Variants in LAMA2 observed in about 807,000 individuals in gnomAD.
The protein encoded by LAMA2 is laminin subunit alpha-2.
LAMA2 carries 269 observed loss-of-function variants against 364.8 expected under a neutral mutation model. That is an observed-to-expected ratio of 0.74 (90% confidence interval 0.67 to 0.82). The LOEUF is 0.82. Among genes scored for constraint, LAMA2 ranks in the 40% least tolerant of loss-of-function variants. The probability of loss-of-function intolerance (pLI) is 0.00; values close to 1 mark genes in which losing one functional copy is unlikely to be tolerated. For synonymous variants in LAMA2, 1,379 were observed against 1,370.6 expected (o/e 1.01, Z -0.14); for missense variants, 3,807 against 3,873.2 (o/e 0.98, Z 0.45).
chr6:129,250,012 T>C, intron 12 of LAMA2, 100 bp from the exon 13 acceptor site: 1 of 777,882 alleles, frequency 1.3e-6, no homozygotes, highest in South Asian at 1.4e-5. Flanking sequence ...TTGCAAATAC[T>C]GCCCTATAGA....
At chr6:129,114,327 C>T (rs1379894569) in intron 4 of LAMA2, among the ~76,000 whole-genome samples, 1 of 152,030 alleles carries the variant, frequency 6.6e-6, no homozygotes, top group Non-Finnish European at 1.5e-5. Context: ...AATACTGTCA[C>T]TACAACTCTG....
At chr6:128,952,145 C>T (rs557463091) in intron 1 of LAMA2, among the ~76,000 whole-genome samples, 1 of 152,064 alleles carries the variant, frequency 6.6e-6, no homozygotes, top group Non-Finnish European at 1.5e-5. Flanking sequence ...CCAGCCTGGG[C>T]AATGGAGCAA....
intron 10 of LAMA2, among the ~76,000 whole-genome samples, chr6:129,182,079 C>T (rs969288604): frequency 6.6e-6 from 1 of 151,656 alleles, no homozygotes; most frequent in Non-Finnish European, 1.5e-5. Flanking sequence ...AGTAGTATTT[C>T]TATATGTCAG....
chr6:129,043,578 G>A (rs1298278961), intron 1 of LAMA2, among the ~76,000 whole-genome samples: 1 of 152,134 alleles, frequency 6.6e-6, no homozygotes, highest in Non-Finnish European at 1.5e-5. Flanking sequence ...GCTTGAAGAT[G>A]CTTGTTTGCT....
intron 12 of LAMA2, among the ~76,000 whole-genome samples, chr6:129,225,810 G>A (rs1784219185): frequency 2.0e-5 from 3 of 152,182 alleles, no homozygotes; most frequent in African/African-American, 7.2e-5. Context: ...TGTATATTCT[G>A]TTGATTTGGG....
intron 1 of LAMA2, among the ~76,000 whole-genome samples, chr6:128,992,809 C>A (rs1421941117): frequency 6.6e-6 from 1 of 152,156 alleles, no homozygotes; most frequent in Non-Finnish European, 1.5e-5. Flanking sequence ...GTCCTTCTGT[C>A]TTCCCTTGAC....
chr6:129,142,919 C>G (rs1778214280), intron 4 of LAMA2, among the ~76,000 whole-genome samples: 1 of 151,178 alleles, frequency 6.6e-6, no homozygotes, highest in Non-Finnish European at 1.5e-5. Flanking sequence ...TGAATAGGGC[C>G]CTCATATATT....
At chr6:129,271,500 C>A (rs969943998) in intron 17 of LAMA2, among the ~76,000 whole-genome samples, 1 of 135,700 alleles carries the variant, frequency 7.4e-6, no homozygotes, top group Non-Finnish European at 1.5e-5. Context: ...GACAGAGTCT[C>A]GCTCTGTTGC....
At position 129,270,660 on chromosome 6, in the gene LAMA2, A is replaced by G. The variant is rs1301175939; in HGVS notation, c.2359A>G (p.Lys787Glu). 1 of 1,613,060 alleles carries G rather than the reference A, an allele frequency of 6.2e-7. No homozygotes were observed. Among genetic ancestry groups the G allele is most frequent in the African/African-American group, 1.3e-5 (1 of 74,978 alleles). ...TCACACAGGTGGCCCATATTGTGAT[A>G]AATGTCTTCCTGGTTTCTATGGCGA... is the stretch of plus-strand genomic sequence containing the variant. ...KDHTGGPYCDKCLPGFYGEPT... is the reference protein window; with the variant it reads ...KDHTGGPYCDECLPGFYGEPT... The change falls in exon 17 of 65, where the codon AAA becomes GAA. Residue 787 changes from lysine to glutamate, a missense_variant. Transcript: ENST00000421865.
intron 34 of LAMA2, among the ~76,000 whole-genome samples, chr6:129,377,877 GT>G (rs1212272139): frequency 1.3e-5 from 2 of 151,972 alleles, no homozygotes; most frequent in Admixed American, 1.3e-4. Flanking sequence ...CAGCTACATT[GT>G]TCAGAAGTAA....
chr6:128,903,669 T>G (rs1031776087), intron 1 of LAMA2, among the ~76,000 whole-genome samples: 1 of 152,256 alleles, frequency 6.6e-6, no homozygotes, highest in Non-Finnish European at 1.5e-5. Flanking sequence ...TCCTCTGCTT[T>G]ATTATTCCCT....
At position 129,378,349 on chromosome 6, in the gene LAMA2, G is replaced by C. The variant is rs546966959; in HGVS notation, c.4960-4773G>C. ...TAACATTATCAATAGCCTGTCCTGG[G>C]TGAGATTGATTTTTGTGAATTTTGC... On this transcript the variant is annotated intron_variant, in intron 34 of 64. Coordinates refer to ENST00000421865, the MANE Select transcript of LAMA2 (RefSeq NM_000426.4). Among the ~76,000 whole-genome samples, 31 of 152,290 alleles carry C rather than the reference G, an allele frequency of 2.0e-4. No homozygotes were observed. The Middle Eastern group carries it at 0.02, about 100-fold the overall frequency.
intron 1 of LAMA2, among the ~76,000 whole-genome samples, chr6:129,009,660 C>A (rs1784648000): frequency 6.6e-6 from 1 of 152,120 alleles, no homozygotes; most frequent in African/African-American, 2.4e-5. Context: ...GATATAGATT[C>A]ATAGATTGCA....
At chr6:129,342,124 G>T (rs893648256) in intron 29 of LAMA2, among the ~76,000 whole-genome samples, 2 of 152,136 alleles carry the variant, frequency 1.3e-5, no homozygotes, top group Non-Finnish European at 2.9e-5. Flanking sequence ...GTGTAGCTAC[G>T]ATAGCACAGT....
intron 23 of LAMA2, among the ~76,000 whole-genome samples, chr6:129,314,377 C>T (rs979609100): frequency 9.5e-6 from 1 of 105,184 alleles, no homozygotes; most frequent in Non-Finnish European, 1.7e-5. Context: ...CTGGCCTGGG[C>T]GAAAGAGCGA....
At chr6:129,153,728 C>T (rs960968182) in intron 7 of LAMA2, among the ~76,000 whole-genome samples, 12 of 152,244 alleles carry the variant, frequency 7.9e-5, no homozygotes, top group African/African-American at 2.9e-4. Context: ...GCATTTAGAA[C>T]AGTGTCTGGC....
intron 1 of LAMA2, among the ~76,000 whole-genome samples, chr6:129,024,106 C>G (rs547184915): frequency 6.6e-6 from 1 of 152,268 alleles, no homozygotes; most frequent in African/African-American, 2.4e-5. Context: ...AAAGTCCGGT[C>G]TCTTCCTTGC....
At chr6:129,043,414 T>C (rs140072239) in intron 1 of LAMA2, among the ~76,000 whole-genome samples, 53 of 152,338 alleles carry the variant, frequency 3.5e-4, no homozygotes, top group Middle Eastern at 3.4e-3. Flanking sequence ...CAATTTTCTA[T>C]TAATCACATG....
At chr6:129,507,212 G>A (rs979875916) in intron 61 of LAMA2, among the ~76,000 whole-genome samples, 1 of 152,038 alleles carries the variant, frequency 6.6e-6, no homozygotes, top group Non-Finnish European at 1.5e-5. Context: ...CCATAGCTCT[G>A]TCAAACCAAT....
Sources: gnomAD v4.1 joint callset for allele counts (sites outside exome capture counted in the v4.1 genomes callset) on GRCh38, gnomAD v4.1.1 for gene constraint, MANE v1.5 for transcripts, NCBI Gene and HGNC (gene_info 2026-07-23, HGNC 2026-07-21) for gene names.